ADAM20: variants seen among roughly 807,000 people sequenced by gnomAD.
ADAM20 encodes disintegrin and metalloproteinase domain-containing protein 20.
For synonymous variants in ADAM20, 305 were observed against 310.2 expected (o/e 0.98, Z 0.18); for missense variants, 871 against 883.2 (o/e 0.99, Z 0.18).
the ADAM20 span, among the ~76,000 whole-genome samples, chr14:70,559,423 C>T: frequency 6.6e-6 from 1 of 152,164 alleles, no homozygotes; most frequent in Admixed American, 6.5e-5. Flanking sequence ...TGGTCAAATT[C>T]ACCATTGTTT....
At chr14:70,525,152 G>A (rs935837746) in intron 1 of ADAM20, among the ~76,000 whole-genome samples, 2 of 152,040 alleles carry the variant, frequency 1.3e-5, no homozygotes, top group Non-Finnish European at 2.9e-5. Context: ...ATTATATACT[G>A]TTCTTAAAAT....
At chr14:70,532,261 A>G (rs1458756034) in intron 1 of ADAM20, among the ~76,000 whole-genome samples, 1 of 152,126 alleles carries the variant, frequency 6.6e-6, no homozygotes, top group East Asian at 1.9e-4. Flanking sequence ...GCAGTATTGG[A>G]AAAACTGGAT....
chr14:70,528,792 C>T (rs992546470), intron 1 of ADAM20, among the ~76,000 whole-genome samples: 1 of 152,132 alleles, frequency 6.6e-6, no homozygotes, highest in African/African-American at 2.4e-5. Context: ...AGAGAACCTC[C>T]TTGAGTCTGA....
At position 70,522,847 on chromosome 14, in the gene ADAM20, A is replaced by C. The variant is rs1432848740; in HGVS notation, c.1911T>G (p.Pro637=). The C allele has an allele frequency of 6.2e-7, 1 of 1,613,962 alleles. No homozygotes were observed. Among genetic ancestry groups the C allele is most frequent in the Non-Finnish European group, 8.5e-7 (1 of 1,179,956 alleles). Residue 637 remains proline (P), a synonymous_variant, in exon 2 of 2, where the codon CCT becomes CCG. Transcript: ENST00000256389. ...SMVHLSQACQ[P]KTCNMRGICN... Reference sequence around the variant, plus strand: ...AGATTCCCCTCATGTTGCAGGTCTTAGGCTGACAGGCTTGTGACAGATGAA... The same window carrying C: ...AGATTCCCCTCATGTTGCAGGTCTTCGGCTGACAGGCTTGTGACAGATGAA...
chr14:70,561,208 T>G, the ADAM20 span, among the ~76,000 whole-genome samples: 1 of 152,236 alleles, frequency 6.6e-6, no homozygotes, highest in African/African-American at 2.4e-5. Context: ...AAGACACTGG[T>G]GGCATTTTGC....
chr14:70,537,878 C>T (rs911934124), upstream of ADAM20, among the ~76,000 whole-genome samples: 1 of 152,134 alleles, frequency 6.6e-6, no homozygotes, highest in African/African-American at 2.4e-5. Context: ...ACTTTATAAC[C>T]AGGAACAGTA....
Position 70,524,018 on chromosome 14 carries a change from GGAT to G in ADAM20, c.737_739del (p.His246del). 1 of 1,613,868 alleles carries G rather than the reference GGAT, an allele frequency of 6.2e-7. No homozygotes were observed. ...AGTCAAAATTACATCAACCTCCAAA[GGAT>G]GATAGAAGGAATCCACTATATTGAC... On this transcript the variant is annotated inframe_deletion, in exon 2 of 2. Coordinates refer to ENST00000256389, the MANE Select transcript of ADAM20 (RefSeq NM_003814.5).
the ADAM20 span, among the ~76,000 whole-genome samples, chr14:70,566,109 C>A: frequency 1.3e-5 from 2 of 152,082 alleles, no homozygotes; most frequent in Admixed American, 6.5e-5. Context: ...TAAATAGCAA[C>A]ATGAAAGACC....
the ADAM20 span, among the ~76,000 whole-genome samples, chr14:70,575,023 T>C: frequency 1.3e-5 from 2 of 151,892 alleles, no homozygotes; most frequent in African/African-American, 2.4e-5. Flanking sequence ...AGAATGGCAG[T>C]TGCCAGAGGA....
the ADAM20 span, among the ~76,000 whole-genome samples, chr14:70,574,565 G>A: frequency 2.7e-4 from 41 of 151,994 alleles, no homozygotes; most frequent in African/African-American, 8.2e-4. Flanking sequence ...GTGTGAACCC[G>A]GGAGGCAGAG....
In ADAM20 at chr14:70,523,468, T is replaced by C. The variant is rs1454127288; in HGVS notation, c.1290A>G (p.Ala430=). The C allele has an allele frequency of 1.2e-6, 2 of 1,613,970 alleles. No homozygotes were observed. The highest frequency in any genetic ancestry group is 1.7e-6 in the Non-Finnish European group (2 of 1,179,984). Residue 430 remains alanine, a synonymous_variant, in exon 2 of 2, where the codon GCA becomes GCG. Coordinates refer to ENST00000256389, the MANE Select transcript of ADAM20 (RefSeq NM_003814.5). ...ECDCGTIRQC[A]KDPCCLLNCT... is the part of the protein sequence containing the mutation. ...AGTTTAACAGACAACAGGGATCTTT[T>C]GCACACTGCCGTATGGTTCCACAGT...
chr14:70,546,069 CAT>C, the ADAM20 span, among the ~76,000 whole-genome samples: 11 of 152,120 alleles, frequency 7.2e-5, no homozygotes, highest in Non-Finnish European at 7.4e-5. Flanking sequence ...ACTGTACAAA[CAT>C]GTGGAAATTC....
chr14:70,540,238 CA>C, the ADAM20 span, among the ~76,000 whole-genome samples: 18 of 144,130 alleles, frequency 1.2e-4, no homozygotes, highest in African/African-American at 2.5e-4. Flanking sequence ...GGTAATTAGC[CA>C]AAAAAAAAAA....
chr14:70,534,282 G>C (rs1744926954), intron 1 of ADAM20, among the ~76,000 whole-genome samples: 1 of 151,820 alleles, frequency 6.6e-6, no homozygotes, highest in African/African-American at 2.4e-5. Context: ...TGGCACAGCT[G>C]CTATGGAAAA....
At chr14:70,535,532 T>C (rs997980686), upstream of ADAM20, among the ~76,000 whole-genome samples, 1 of 152,178 alleles carries the variant, frequency 6.6e-6, no homozygotes, top group Non-Finnish European at 1.5e-5. Context: ...CCCAGAGCTC[T>C]CCTGTCTGAG....
the ADAM20 span, among the ~76,000 whole-genome samples, chr14:70,563,867 ACTTT>A: frequency 7.4e-4 from 112 of 152,328 alleles, no homozygotes; most frequent in African/African-American, 2.3e-3. Context: ...CAATTAATCT[ACTTT>A]CTTTATCAAT....
At chr14:70,543,281 C>T in the ADAM20 span, among the ~76,000 whole-genome samples, 1 of 152,210 alleles carries the variant, frequency 6.6e-6, no homozygotes, top group African/African-American at 2.4e-5. Context: ...TGGGGGAATG[C>T]TTTACCGACT....
chr14:70,522,904 C>A lies in ADAM20; in HGVS notation c.1854G>T (p.Lys618Asn). Residue 618 changes from lysine (K) to asparagine (N), a missense_variant, in exon 2 of 2, where the codon AAG (lysine) becomes AAT (asparagine). By Grantham distance (94) the Lys-to-Asn change is moderately conservative. Transcript: ENST00000256389. ...VKDGTVCGPE[K>N]ICIRKKCASM... is the part of the protein sequence containing the mutation. ...TGGCACACTTCTTACGGATGCAGATCTTTTCTGGACCACATACTGTGCCAT... is the reference window on the plus strand; with the variant it reads ...TGGCACACTTCTTACGGATGCAGATATTTTCTGGACCACATACTGTGCCAT... The A allele has an allele frequency of 6.2e-7, 1 of 1,614,056 alleles. No homozygotes were observed. The highest frequency in any genetic ancestry group is 8.5e-7 in the Non-Finnish European group (1 of 1,179,952).
At chr14:70,541,106 A>G in the ADAM20 span, among the ~76,000 whole-genome samples, 1 of 152,224 alleles carries the variant, frequency 6.6e-6, no homozygotes, top group African/African-American at 2.4e-5. Flanking sequence ...ATAATCTTAT[A>G]TGGTAAATTC....
Sources: allele counts gnomAD v4.1 joint callset (sites outside exome capture counted in the v4.1 genomes callset), GRCh38; gene constraint gnomAD v4.1.1; transcripts MANE v1.5; gene names NCBI Gene and HGNC (gene_info 2026-07-23, HGNC 2026-07-21).